SMAD6: variants seen among roughly 807,000 people sequenced by gnomAD.
SMAD6 encodes the protein SMAD family member 6.
SMAD6 carries 103 observed loss-of-function variants against 39.4 expected under a neutral mutation model. The observed-to-expected ratio is 2.62, with a 90% CI of 2.23 to 3.08. The LOEUF is 3.08. Among genes scored for constraint, SMAD6 ranks in the 30% most tolerant of loss-of-function variants. The pLI, the probability that SMAD6 is intolerant of heterozygous loss-of-function variation, is 0.00. For missense variants in SMAD6, 1,104 were observed against 742.9 expected (o/e 1.49, Z -5.65); for synonymous variants, 445 against 353.3 (o/e 1.26, Z -2.91).
chr15:66,721,657 G>A (rs1289093462), intron 3 of SMAD6, among the ~76,000 whole-genome samples: 2 of 152,188 alleles, frequency 1.3e-5, no homozygotes, highest in Non-Finnish European at 1.5e-5. Context: ...TAGTGGTGAG[G>A]GTTAAATGAG....
At chr15:66,736,555 A>G (rs369195878) in intron 3 of SMAD6, among the ~76,000 whole-genome samples, 20 of 152,344 alleles carry the variant, frequency 1.3e-4, no homozygotes, top group African/African-American at 4.6e-4. Context: ...GCCTGACAGC[A>G]GAGCCTATTA....
intron 3 of SMAD6, among the ~76,000 whole-genome samples, chr15:66,754,033 C>T (rs1475100235): frequency 6.6e-6 from 1 of 152,190 alleles, no homozygotes; most frequent in Admixed American, 6.5e-5. Context: ...AGTAAAAATC[C>T]CATCTCAGGA....
At chr15:66,711,326 C>T (rs183312064) in intron 1 of SMAD6, among the ~76,000 whole-genome samples, 1 of 152,324 alleles carries the variant, frequency 6.6e-6, no homozygotes, top group African/African-American at 2.4e-5. Flanking sequence ...GGGCCAAGAG[C>T]TGCACTAAGC....
chr15:66,708,678 A>G (rs751699745), intron 1 of SMAD6: 21 of 462,098 alleles, frequency 4.5e-5, no homozygotes. Flanking sequence ...AGCCAGCCAC[A>G]AAAGGCCATA....
Position 66,782,223 on chromosome 15 carries a change from G to A in SMAD6, c.*688G>A. On this transcript the variant is annotated 3_prime_UTR_variant, in exon 4 of 4. Coordinates refer to ENST00000288840, the MANE Select transcript of SMAD6 (RefSeq NM_005585.5). ...GGGTGTCCAGTGGATAGGGATGGCG[G>A]TGGGGAAAAGAATACACTGGCCATT... The A allele has an allele frequency of 1.2e-5, 2 of 169,852 alleles. No individual in the cohort carries two copies. The highest frequency in any genetic ancestry group is 1.7e-4 in the African/African-American group (2 of 11,882). 10.5% of individuals were successfully genotyped at this position (169,852 alleles called of 1,614,324 possible).
chr15:66,722,694 G>T (rs1049209449), intron 3 of SMAD6, among the ~76,000 whole-genome samples: 1 of 152,204 alleles, frequency 6.6e-6, no homozygotes, highest in African/African-American at 2.4e-5. Context: ...AAAGGGAAAA[G>T]AAATGCCTTC....
intron 3 of SMAD6, among the ~76,000 whole-genome samples, chr15:66,729,797 G>A (rs981584075): frequency 2.8e-4 from 43 of 152,278 alleles, no homozygotes; most frequent in Admixed American, 1.0e-3. Context: ...TAAAGGGGCC[G>A]TGCACACAGC....
At chr15:66,719,446 C>T (rs886873771) in intron 3 of SMAD6, among the ~76,000 whole-genome samples, 4 of 152,176 alleles carry the variant, frequency 2.6e-5, no homozygotes, top group South Asian at 2.1e-4. Context: ...TCACACCACT[C>T]GCTGGCCTGG....
intron 3 of SMAD6, among the ~76,000 whole-genome samples, chr15:66,764,306 T>C (rs1178127370): frequency 3.3e-5 from 5 of 152,222 alleles, no homozygotes; most frequent in Non-Finnish European, 5.9e-5. Context: ...CTTTTTTTTT[T>C]TTACTTCGAC....
intron 1 of SMAD6, 68 bp from the exon 2 acceptor site, chr15:66,711,600 A>G: frequency 8.3e-7 from 1 of 1,209,504 alleles, no homozygotes; most frequent in South Asian, 1.2e-5. Flanking sequence ...CCAGTAATTA[A>G]AAGCATGTAG....
intron 1 of SMAD6, chr15:66,708,585 C>A: frequency 2.6e-6 from 1 of 391,664 alleles, no homozygotes; most frequent in South Asian, 1.9e-5. Context: ...ATATCATTCA[C>A]CCATGAAAAA....
rs75567530 is a variant in SMAD6 at position 66,750,628 on chromosome 15, C to G, written c.953-30369C>G. On this transcript the variant is annotated intron_variant, in intron 3 of 3. Transcript: ENST00000288840. ...AATTCAAGTGCCCGGTTTATTGAGG[C>G]GGGGGGTTGACCAGGAAACAGCAGT... is the stretch of plus-strand genomic sequence containing the variant. 1.9e-3 allele frequency among the ~76,000 whole-genome samples: 292 copies of G among 151,946 alleles called. 1 individual carries two copies. Among genetic ancestry groups the G allele is most frequent in the African/African-American group, 6.9e-3 (285 of 41,420 alleles).
intron 3 of SMAD6, chr15:66,717,359 A>G (rs1337507615): frequency 2.8e-5 from 13 of 456,458 alleles, no homozygotes; most frequent in South Asian, 2.0e-4. Flanking sequence ...CAGTCGCCAA[A>G]ATCATAGCCA....
rs182698839 is a variant in SMAD6 at position 66,711,949 on chromosome 15, C to T, written c.874+225C>T. Among the ~76,000 whole-genome samples the T allele has an allele frequency of 8.7e-4, 132 of 152,328 alleles. 5 individuals carry two copies. In the South Asian group the frequency reaches 0.023, roughly 26 times the overall value. Reference sequence around the variant, plus strand: ...AGGCTATTTACATCTCGAAATTCCGCGGCTCATCATTAACCTCTCTGTGAC... The same window carrying T: ...AGGCTATTTACATCTCGAAATTCCGTGGCTCATCATTAACCTCTCTGTGAC... On this transcript the variant is annotated intron_variant, in intron 2 of 3. Coordinates refer to ENST00000288840, the MANE Select transcript of SMAD6 (RefSeq NM_005585.5).
chr15:66,756,972 G>T (rs1156580059), intron 3 of SMAD6, among the ~76,000 whole-genome samples: 2 of 152,334 alleles, frequency 1.3e-5, no homozygotes, highest in South Asian at 2.1e-4. Context: ...GTCTACCTGA[G>T]ACGGTTGTGG....
chr15:66,769,391 C>G (rs1015994740), intron 3 of SMAD6, among the ~76,000 whole-genome samples: 3 of 152,168 alleles, frequency 2.0e-5, no homozygotes, highest in African/African-American at 4.8e-5. Context: ...GGTCACCTGC[C>G]CACGGTAACA....
chr15:66,754,574 G>C (rs149203972), intron 3 of SMAD6, among the ~76,000 whole-genome samples: 5 of 152,166 alleles, frequency 3.3e-5, no homozygotes, highest in Admixed American at 1.3e-4. Context: ...ATACCATTTA[G>C]TGATTTCTCT....
intron 3 of SMAD6, among the ~76,000 whole-genome samples, chr15:66,753,362 C>G (rs1052472542): frequency 3.3e-5 from 5 of 152,178 alleles, no homozygotes; most frequent in Non-Finnish European, 5.9e-5. Context: ...GATGTGGGTC[C>G]TTGTGCGTTG....
chr15:66,725,431 G>A (rs1017220251), intron 3 of SMAD6, among the ~76,000 whole-genome samples: 1 of 152,194 alleles, frequency 6.6e-6, no homozygotes, highest in African/African-American at 2.4e-5. Flanking sequence ...GAAAAACAGA[G>A]GTCTCATGTC....
Sources: gnomAD v4.1 joint callset for allele counts (sites outside exome capture counted in the v4.1 genomes callset) on GRCh38, gnomAD v4.1.1 for gene constraint, MANE v1.5 for transcripts, NCBI Gene and HGNC (gene_info 2026-07-23, HGNC 2026-07-21) for gene names.